The following MTMR12 variants were observed in gnomAD, a reference collection of about 807,000 sequenced individuals.
MTMR12 encodes myotubularin-related protein 12.
In MTMR12, 33 loss-of-function variants were observed where a neutral mutation model predicts 96.7. That is an observed-to-expected ratio of 0.34 (90% CI 0.26 to 0.46). The LOEUF (loss-of-function observed/expected upper bound fraction) is 0.46, where lower values mean the gene tolerates loss of function less well. MTMR12 is among the 20% of genes least tolerant of loss of function. The pLI, the probability that MTMR12 is intolerant of heterozygous loss-of-function variation, is 1.00. For missense variants in MTMR12, 721 were observed against 896.1 expected (o/e 0.80, Z 2.49); for synonymous variants, 298 against 327.2 (o/e 0.91, Z 0.96).
At chr5:32,290,786 C>T (rs1378181868) in intron 1 of MTMR12, among the ~76,000 whole-genome samples, 2 of 152,202 alleles carry the variant, frequency 1.3e-5, no homozygotes, top group African/African-American at 4.8e-5. Flanking sequence ...AGGTGAATCA[C>T]AGTGGAGGCC....
chr5:32,288,258 T>C (rs574944305), intron 1 of MTMR12, among the ~76,000 whole-genome samples: 3 of 152,124 alleles, frequency 2.0e-5, no homozygotes, highest in Non-Finnish European at 4.4e-5. Flanking sequence ...TGATGAACTT[T>C]TTTTGCCAGA....
intron 1 of MTMR12, among the ~76,000 whole-genome samples, chr5:32,294,591 G>A (rs1015096685): frequency 5.9e-5 from 9 of 151,944 alleles, no homozygotes; most frequent in Non-Finnish European, 8.8e-5. Context: ...GTGAGCCACC[G>A]CACCTGGCCA....
intron 1 of MTMR12, among the ~76,000 whole-genome samples, chr5:32,298,228 T>C (rs866787614): frequency 2.6e-5 from 4 of 152,156 alleles, no homozygotes; most frequent in Non-Finnish European, 5.9e-5. Context: ...GGTGGTTGCA[T>C]GCACCAGGAG....
intron 6 of MTMR12, 80 bp from the exon 7 acceptor site, chr5:32,263,322 G>A: frequency 6.4e-7 from 1 of 1,560,846 alleles, no homozygotes. Flanking sequence ...TCCCTCCTTA[G>A]GTTTTGGTTT....
At chr5:32,250,940 G>C (rs1238737289) in intron 8 of MTMR12, among the ~76,000 whole-genome samples, 2 of 152,104 alleles carry the variant, frequency 1.3e-5, no homozygotes, top group Non-Finnish European at 2.9e-5. Flanking sequence ...GGAACTGTGA[G>C]GGCCAGAATT....
chr5:32,261,039 C>A (rs1220220321), intron 7 of MTMR12, among the ~76,000 whole-genome samples: 5 of 151,418 alleles, frequency 3.3e-5, no homozygotes, highest in Non-Finnish European at 7.4e-5. Flanking sequence ...TCAAGACCAG[C>A]CTGGCCAACA....
chr5:32,281,607 G>T (rs1750296657), intron 1 of MTMR12, among the ~76,000 whole-genome samples: 1 of 152,108 alleles, frequency 6.6e-6, no homozygotes, highest in African/African-American at 2.4e-5. Context: ...GCTTTCTTAA[G>T]AAACCACATC....
intron 6 of MTMR12, among the ~76,000 whole-genome samples, chr5:32,264,463 CT>C (rs766108483): frequency 0.026 from 3,760 of 143,924 alleles, 140 homozygotes; most frequent in African/African-American, 0.083. Context: ...GAGCATATTA[CT>C]TTTTTTTTTT....
At chr5:32,231,981 G>A (rs1161522038) in intron 15 of MTMR12, among the ~76,000 whole-genome samples, 1 of 152,238 alleles carries the variant, frequency 6.6e-6, no homozygotes, top group African/African-American at 2.4e-5. Flanking sequence ...CAGTGCCAAA[G>A]GTGGTTCAAA....
chr5:32,286,673 C>T (rs1193892614), intron 1 of MTMR12, among the ~76,000 whole-genome samples: 1 of 152,150 alleles, frequency 6.6e-6, no homozygotes, highest in Non-Finnish European at 1.5e-5. Context: ...TAGTTAACTA[C>T]TATTATTGTT....
At chr5:32,249,417 C>T (rs1223974548) in intron 8 of MTMR12, among the ~76,000 whole-genome samples, 1 of 152,028 alleles carries the variant, frequency 6.6e-6, no homozygotes, top group Non-Finnish European at 1.5e-5. Flanking sequence ...AGAGAAAATC[C>T]ACACTAGGAA....
chr5:32,239,343 G>A (rs1267190611), intron 12 of MTMR12, among the ~76,000 whole-genome samples, 170 bp from the exon 13 acceptor site: 1 of 152,212 alleles, frequency 6.6e-6, no homozygotes, highest in Admixed American at 6.5e-5. Flanking sequence ...AAAGGGTTAT[G>A]TTTTCAGACT....
At chr5:32,287,810 C>T (rs1469492803) in intron 1 of MTMR12, among the ~76,000 whole-genome samples, 2 of 152,178 alleles carry the variant, frequency 1.3e-5, no homozygotes, top group Non-Finnish European at 2.9e-5. Flanking sequence ...CCTGATTCAT[C>T]GCTCATGAGA....
chr5:32,231,763 T>C (rs1748006055), intron 15 of MTMR12, among the ~76,000 whole-genome samples: 1 of 152,192 alleles, frequency 6.6e-6, no homozygotes, highest in Non-Finnish European at 1.5e-5. Context: ...CAGGATTCAG[T>C]GGCCTCTCTT....
At chr5:32,248,226 T>A in intron 9 of MTMR12, 100 bp from the exon 10 acceptor site, 1 of 1,329,258 alleles carries the variant, frequency 7.5e-7, no homozygotes, top group Non-Finnish European at 1.0e-6. Flanking sequence ...CAGTAGGCAT[T>A]CTCCCATTTA....
chr5:32,284,143 C>CA (rs201087287), intron 1 of MTMR12, among the ~76,000 whole-genome samples: 119 of 149,354 alleles, frequency 8.0e-4, no homozygotes, highest in Admixed American at 1.7e-3. Context: ...CCCATTTCCA[C>CA]AAAAAAAAAT....
At chr5:32,282,052 A>G (rs1171021427) in intron 1 of MTMR12, among the ~76,000 whole-genome samples, 2 of 152,066 alleles carry the variant, frequency 1.3e-5, no homozygotes, top group Non-Finnish European at 2.9e-5. Context: ...TAACCACTGG[A>G]GCACTGGAAT....
chr5:32,312,815 G>A lies in MTMR12; in HGVS notation c.24C>T (p.Gly8=), dbSNP rs1751657773. The A allele has an allele frequency of 2.6e-6, 4 of 1,532,410 alleles. No individual in the cohort carries two copies. The highest frequency in any genetic ancestry group is 3.5e-6 in the Non-Finnish European group (4 of 1,142,870). The allele number at this position is 1,532,410 out of a possible 1,614,324, so 94.9% of individuals were successfully genotyped here. MLGKGVV[G]GGGGTKAPKP... is the part of the protein sequence containing the mutation. Reference sequence around the variant, plus strand: ...TGGGGGCCTTGGTGCCGCCGCCACCGCCGACTACTCCTTTCCCCAGCATAC... The same window carrying A: ...TGGGGGCCTTGGTGCCGCCGCCACCACCGACTACTCCTTTCCCCAGCATAC... The change falls in exon 1 of 16, where the codon GGC becomes GGT. Residue 8 remains glycine (G), a synonymous_variant. Transcript: ENST00000382142. This position sits in a 1 kb window ranked among gnomAD's most constrained non-coding sequence, Gnocchi z 5.0.
chr5:32,268,508 TA>T (rs72294899), intron 6 of MTMR12, among the ~76,000 whole-genome samples, 192 bp downstream of exon 6: 1,385 of 136,108 alleles, frequency 0.01, 13 homozygotes, highest in African/African-American at 0.027. Context: ...ACTCCATCTT[TA>T]AAAAAAAAAA....
Sources: allele counts gnomAD v4.1 joint callset (sites outside exome capture counted in the v4.1 genomes callset), GRCh38; gene constraint gnomAD v4.1.1; non-coding constraint Gnocchi (gnomAD v3.1); transcripts MANE v1.5; gene names NCBI Gene and HGNC (gene_info 2026-07-23, HGNC 2026-07-21).